Variants in TENM3 observed in about 807,000 individuals in gnomAD.
TENM3 encodes teneurin transmembrane protein 3.
TENM3 carries 63 observed loss-of-function variants against 255.1 expected under a neutral mutation model. That is an observed-to-expected ratio of 0.25 (90% CI 0.20 to 0.30). The LOEUF (loss-of-function observed/expected upper bound fraction) is 0.30, where lower values mean the gene tolerates loss of function less well. TENM3 is among the 10% of genes least tolerant of loss of function. TENM3 has a pLI of 1.00. For missense variants in TENM3, 2,929 were observed against 3,461.1 expected, an observed-to-expected ratio of 0.85 and a Z score of 3.86; for synonymous variants, 1,306 against 1,322.3, an observed-to-expected ratio of 0.99 and a Z score of 0.27.
At position 182,794,397 on chromosome 4, in the gene TENM3, A is replaced by G. The variant is rs78356302; in HGVS notation, c.7213+512A>G. 7.9e-5 allele frequency among the ~76,000 whole-genome samples: 12 copies of G among 152,336 alleles called. No individual in the cohort carries two copies. The East Asian group carries it at 2.3e-3, about 29-fold the overall frequency. ...TTGGGTTTTTTTAATACATGTGTGA[A>G]GTTCTCATGGAGATAATTAAGGTGA... On this transcript the variant is annotated intron_variant, in intron 26 of 27. Transcript: ENST00000511685.
At position 182,754,080 on chromosome 4, in the gene TENM3, C is replaced by T. The variant is rs1762554995; in HGVS notation, c.4018-305C>T. Among the ~76,000 whole-genome samples the T allele has an allele frequency of 6.6e-6, 1 of 152,198 alleles. No homozygotes were observed. Among genetic ancestry groups the T allele is most frequent in the African/African-American group, 2.4e-5 (1 of 41,468 alleles). ...CCCCAACATTTGGTGGTTATTGCTG[C>T]CATAAGGAACATGTGTGTTCATAGC... On this transcript the variant is annotated intron_variant, in intron 21 of 27. Transcript: ENST00000511685. The surrounding 1 kb of genome is among the most constrained non-coding windows in gnomAD (Gnocchi z 5.1).
chr4:181,605,297 A>G, the TENM3 span, among the ~76,000 whole-genome samples: 1 of 151,460 alleles, frequency 6.6e-6, no homozygotes, highest in African/African-American at 2.4e-5. Flanking sequence ...GAAAAAAGAA[A>G]AAAAAGAATT....
At chr4:182,340,834 T>C (rs903371325) in intron 2 of TENM3, among the ~76,000 whole-genome samples, 2 of 152,210 alleles carry the variant, frequency 1.3e-5, no homozygotes, top group African/African-American at 4.8e-5. Flanking sequence ...AGTCACTCCA[T>C]GCCTGAGAAG....
chr4:181,515,046 T>G, the TENM3 span, among the ~76,000 whole-genome samples: 2 of 152,230 alleles, frequency 1.3e-5, no homozygotes, highest in African/African-American at 4.8e-5. Context: ...CAGTTTTTGG[T>G]TAAAGACAAT....
chr4:182,607,546 T>TA (rs1208359684), intron 4 of TENM3, among the ~76,000 whole-genome samples: 1 of 152,204 alleles, frequency 6.6e-6, no homozygotes, highest in African/African-American at 2.4e-5. Context: ...AAAGCCTTCA[T>TA]AGATGCATTG....
chr4:181,448,227 C>T, the TENM3 span, among the ~76,000 whole-genome samples: 10 of 130,760 alleles, frequency 7.6e-5, no homozygotes, highest in African/African-American at 1.5e-4. Flanking sequence ...AGTGCAGTGG[C>T]GCGATCTCGG....
the TENM3 span, among the ~76,000 whole-genome samples, chr4:181,807,635 G>T: frequency 6.6e-6 from 1 of 152,178 alleles, no homozygotes; most frequent in African/African-American, 2.4e-5. Context: ...TTGCAGGTGT[G>T]AGCCACCGCA....
chr4:181,451,446 T>A, the TENM3 span, among the ~76,000 whole-genome samples: 5 of 152,266 alleles, frequency 3.3e-5, 2 homozygotes, highest in Middle Eastern at 0.01. Context: ...AGGAGACTGA[T>A]GAGGTCAGAT....
At chr4:182,714,942 T>A (rs980573909) in intron 13 of TENM3, among the ~76,000 whole-genome samples, 11 of 152,210 alleles carry the variant, frequency 7.2e-5, no homozygotes, top group African/African-American at 2.7e-4. Context: ...TGGAGTGCAA[T>A]GGCACGATCT....
the TENM3 span, among the ~76,000 whole-genome samples, chr4:181,713,621 C>T: frequency 1.3e-5 from 2 of 152,122 alleles, no homozygotes; most frequent in African/African-American, 2.4e-5. Context: ...AGATGTAAAA[C>T]AGCCACATCT....
At chr4:181,525,396 C>CAAAAAAAAAAAAAAAAAGAAAAAAA in the TENM3 span, among the ~76,000 whole-genome samples, 1 of 97,316 alleles carries the variant, frequency 1.0e-5, no homozygotes, top group East Asian at 3.4e-4. Flanking sequence ...GACCCTGTTT[C>CAAAAAAAAAAAAAAAAAGAAAAAAA]AAAAAAAAAA....
At chr4:182,058,418 C>A in the TENM3 span, among the ~76,000 whole-genome samples, 43 of 152,206 alleles carry the variant, frequency 2.8e-4, no homozygotes, top group African/African-American at 1.0e-3. Flanking sequence ...GATATGTTGA[C>A]TCCATTTTGC....
the TENM3 span, among the ~76,000 whole-genome samples, chr4:181,514,928 G>T: frequency 6.6e-6 from 1 of 152,152 alleles, no homozygotes; most frequent in Non-Finnish European, 1.5e-5. Context: ...GACAGGTCTT[G>T]GTTATCCCTA....
intron 3 of TENM3, among the ~76,000 whole-genome samples, chr4:182,347,324 A>T (rs2150675408): frequency 6.6e-6 from 1 of 152,344 alleles, no homozygotes; most frequent in Non-Finnish European, 1.5e-5. Flanking sequence ...TTGCAATCAA[A>T]GATGTCTTTG....
chr4:181,570,085 T>C, the TENM3 span, among the ~76,000 whole-genome samples: 20 of 141,618 alleles, frequency 1.4e-4, no homozygotes, highest in Admixed American at 4.5e-4. Context: ...GTCGCCCAGG[T>C]CGGACTGCGG....
the TENM3 span, among the ~76,000 whole-genome samples, chr4:182,083,634 T>C: frequency 6.6e-5 from 10 of 152,330 alleles, no homozygotes; most frequent in East Asian, 3.9e-4. Context: ...ACATGTCAAA[T>C]CACATACTTA....
the TENM3 span, among the ~76,000 whole-genome samples, chr4:181,822,433 G>A: frequency 1.3e-5 from 2 of 152,142 alleles, no homozygotes; most frequent in African/African-American, 4.8e-5. Flanking sequence ...AGCTTTTAAA[G>A]GAAACAGACT....
intron 1 of TENM3, among the ~76,000 whole-genome samples, chr4:182,250,336 G>A (rs1579895739): frequency 6.6e-6 from 1 of 152,258 alleles, no homozygotes; most frequent in Non-Finnish European, 1.5e-5. Context: ...ACAGGTGTGA[G>A]CCACTGCGCC....
intron 3 of TENM3, among the ~76,000 whole-genome samples, chr4:182,516,185 T>G (rs1362210174): frequency 3.3e-5 from 5 of 152,232 alleles, no homozygotes; most frequent in Admixed American, 2.6e-4. Flanking sequence ...AGCACTGGAC[T>G]GTGAGTTAGG....
Sources: gnomAD v4.1 joint callset for allele counts (sites outside exome capture counted in the v4.1 genomes callset) on GRCh38, gnomAD v4.1.1 for gene constraint, Gnocchi (gnomAD v3.1) non-coding constraint, MANE v1.5 for transcripts, NCBI Gene and HGNC (gene_info 2026-07-23, HGNC 2026-07-21) for gene names.